The following FBXO4 variants were observed in gnomAD, a reference collection of about 807,000 sequenced individuals.
FBXO4 encodes F-box only protein 4.
FBXO4 carries 36 observed loss-of-function variants against 43.7 expected under a neutral mutation model. That is an observed-to-expected ratio of 0.82 (90% CI 0.63 to 1.09). The LOEUF (loss-of-function observed/expected upper bound fraction) is 1.09. Among genes scored for constraint, FBXO4 ranks in the 50% least tolerant of loss-of-function variants. The probability of loss-of-function intolerance (pLI) is 0.00; values close to 1 mark genes in which losing one functional copy is unlikely to be tolerated. For missense variants in FBXO4, 435 were observed against 474.1 expected (o/e 0.92, Z 0.77); for synonymous variants, 180 against 165.6 (o/e 1.09, Z -0.67).
the FBXO4 span, among the ~76,000 whole-genome samples, chr5:42,026,725 G>T: frequency 2.0e-5 from 3 of 151,620 alleles, no homozygotes; most frequent in Non-Finnish European, 4.4e-5. Context: ...ATATGATGAG[G>T]TATATTCCTT....
the FBXO4 span, chr5:41,967,529 C>T: frequency 9.8e-6 from 9 of 917,396 alleles, no homozygotes; most frequent in African/African-American, 6.6e-5. Flanking sequence ...ACCTCCGTGA[C>T]GTTCATGCAC....
the FBXO4 span, among the ~76,000 whole-genome samples, chr5:41,981,726 GTT>G: frequency 5.6e-3 from 753 of 134,434 alleles, 7 homozygotes; most frequent in African/African-American, 0.019. Context: ...TTGGTTTTTG[GTT>G]TTTTTTTTTT....
chr5:41,960,759 A>G, the FBXO4 span, among the ~76,000 whole-genome samples: 2 of 152,074 alleles, frequency 1.3e-5, no homozygotes, highest in East Asian at 1.9e-4. Context: ...TTTTTGTTTT[A>G]CAATTTTAAT....
At chr5:41,968,068 A>T in the FBXO4 span, 1 of 366,140 alleles carries the variant, frequency 2.7e-6, no homozygotes, top group South Asian at 2.2e-5. Flanking sequence ...TTTCCTGACA[A>T]CAGCTTCATT....
At chr5:42,009,699 C>T in the FBXO4 span, among the ~76,000 whole-genome samples, 7 of 152,156 alleles carry the variant, frequency 4.6e-5, no homozygotes, top group Non-Finnish European at 8.8e-5. Context: ...TGGACTGTTA[C>T]ATAATTGCTT....
At chr5:41,979,706 T>A in the FBXO4 span, among the ~76,000 whole-genome samples, 1 of 152,230 alleles carries the variant, frequency 6.6e-6, no homozygotes, top group Non-Finnish European at 1.5e-5. Flanking sequence ...GGCTAGGATG[T>A]GTCCTTGGTT....
At chr5:41,962,531 G>A in the FBXO4 span, among the ~76,000 whole-genome samples, 1 of 152,120 alleles carries the variant, frequency 6.6e-6, no homozygotes, top group Non-Finnish European at 1.5e-5. Context: ...GGTCATCACT[G>A]TCTTTTACTC....
chr5:41,986,950 G>C, the FBXO4 span, among the ~76,000 whole-genome samples: 1 of 152,090 alleles, frequency 6.6e-6, no homozygotes, highest in African/African-American at 2.4e-5. Context: ...CAGTCATCCT[G>C]CTGTTTATAG....
chr5:41,935,298 T>C (rs1310008068), intron 5 of FBXO4, among the ~76,000 whole-genome samples: 1 of 152,186 alleles, frequency 6.6e-6, no homozygotes, highest in Non-Finnish European at 1.5e-5. Flanking sequence ...CTCTACTAGG[T>C]GCTCATGTAA....
the FBXO4 span, among the ~76,000 whole-genome samples, chr5:42,031,313 A>G: frequency 6.6e-6 from 1 of 152,178 alleles, no homozygotes; most frequent in African/African-American, 2.4e-5. Context: ...TTGTAGGGAC[A>G]TGGACGAAAC....
At chr5:42,038,159 T>TC in the FBXO4 span, among the ~76,000 whole-genome samples, 1 of 152,072 alleles carries the variant, frequency 6.6e-6, no homozygotes, top group Non-Finnish European at 1.5e-5. Flanking sequence ...AATTCCCCTC[T>TC]CCCAGTGGAG....
At chr5:42,001,703 T>C in the FBXO4 span, among the ~76,000 whole-genome samples, 9 of 152,048 alleles carry the variant, frequency 5.9e-5, no homozygotes, top group African/African-American at 1.9e-4. Context: ...TCTATGTATA[T>C]ACTTTTGAGA....
At chr5:42,031,324 T>C in the FBXO4 span, among the ~76,000 whole-genome samples, 1 of 152,008 alleles carries the variant, frequency 6.6e-6, no homozygotes, top group Non-Finnish European at 1.5e-5. Context: ...TGGACGAAAC[T>C]GGAAACCATC....
the FBXO4 span, among the ~76,000 whole-genome samples, chr5:42,008,135 A>G: frequency 6.6e-6 from 1 of 152,194 alleles, no homozygotes; most frequent in Non-Finnish European, 1.5e-5. Context: ...TCTACTGGGT[A>G]ACATGCCAAT....
At chr5:41,977,561 A>G in the FBXO4 span, among the ~76,000 whole-genome samples, 2 of 152,186 alleles carry the variant, frequency 1.3e-5, no homozygotes, top group Non-Finnish European at 2.9e-5. Context: ...ATCTTTGCTA[A>G]TGCATAACAA....
chr5:41,960,145 AT>A, the FBXO4 span, among the ~76,000 whole-genome samples: 2 of 151,570 alleles, frequency 1.3e-5, no homozygotes, highest in African/African-American at 4.8e-5. Context: ...TGTTTTCTTG[AT>A]TTTTTTATTT....
chr5:42,025,674 G>A, the FBXO4 span, among the ~76,000 whole-genome samples: 1 of 151,888 alleles, frequency 6.6e-6, no homozygotes, highest in Non-Finnish European at 1.5e-5. Flanking sequence ...CATAGTGTGA[G>A]GTCTTAGATT....
intron 2 of FBXO4, 81 bp downstream of exon 2, chr5:41,927,329 C>T (rs1751539914): frequency 2.9e-6 from 3 of 1,022,142 alleles, no homozygotes; most frequent in South Asian, 1.7e-5. Flanking sequence ...TAATCCTGAC[C>T]CTGCTACTGA....
chr5:42,040,314 G>T, the FBXO4 span, among the ~76,000 whole-genome samples: 5 of 151,720 alleles, frequency 3.3e-5, no homozygotes, highest in Non-Finnish European at 7.4e-5. Context: ...ACCTATTTTG[G>T]TTTCGTTTGT....
Sources: gnomAD v4.1 joint callset for allele counts (sites outside exome capture counted in the v4.1 genomes callset) on GRCh38, gnomAD v4.1.1 for gene constraint, MANE v1.5 for transcripts, NCBI Gene and HGNC (gene_info 2026-07-23, HGNC 2026-07-21) for gene names.